EEF1D: variants seen among roughly 807,000 people sequenced by gnomAD.
EEF1D encodes eukaryotic translation elongation factor 1 delta, also known as elongation factor 1-delta.
A neutral mutation model predicts 63.9 loss-of-function variants in EEF1D; 47 were observed. That is an observed-to-expected ratio of 0.74 (90% CI 0.58 to 0.94). EEF1D has a LOEUF of 0.94. Ranked by LOEUF, EEF1D falls within the 40% of genes least tolerant of loss-of-function variation. EEF1D has a pLI of 0.00. For missense variants in EEF1D, 907 were observed against 899.0 expected (o/e 1.01, Z -0.11); for synonymous variants, 412 against 386.1 (o/e 1.07, Z -0.79).
chr8:143,590,637 G>A, intron 2 of EEF1D: 1 of 1,003,496 alleles, frequency 1.0e-6, no homozygotes, highest in Non-Finnish European at 1.2e-6. Flanking sequence ...AGGCACGGTG[G>A]CTCACACCTG....
chr8:143,581,062 G>C lies in EEF1D; in HGVS notation c.1480C>G (p.Gln494Glu). 7 of 1,611,736 alleles carry C rather than the reference G, an allele frequency of 4.3e-6. No individual in the cohort carries two copies. Among genetic ancestry groups the C allele is most frequent in the Non-Finnish European group, 5.9e-6 (7 of 1,179,936 alleles). ...SSPGHRATAP[Q>E]TQHVSPMRQV... Reference sequence around the variant, plus strand: ...GTGGGGAGAGCATTCACCTGGGTCTGTGGGGCCGTGGCCCGGTGGCCAGGC... The same window carrying C: ...GTGGGGAGAGCATTCACCTGGGTCTCTGGGGCCGTGGCCCGGTGGCCAGGC... Residue 494 changes from glutamine (Q) to glutamate (E), a missense_variant, in exon 7 of 10, where the codon CAG becomes GAG. Physicochemically the swap from Gln to Glu is conservative, Grantham distance 29. Coordinates refer to ENST00000618139, the MANE Select transcript of EEF1D (RefSeq NM_001130053.5).
Position 143,590,598 on chromosome 8 carries a change from A to G in EEF1D, c.1-517T>C, listed in dbSNP as rs1827781153. 2.9e-6 allele frequency: 3 copies of G among 1,038,774 alleles called. No homozygotes were observed. In the South Asian group the frequency reaches 1.3e-4, roughly 44 times the overall value. The allele number at this position is 1,038,774 out of a possible 1,614,324, so 64.3% of individuals were successfully genotyped here. On this transcript the variant is annotated intron_variant, in intron 2 of 9. Transcript: ENST00000618139. ...CACTGCCACACCCAGAGCACCCTCAAAGTTCTTACAAAAGAAGGAGCCTCG... is the reference window on the plus strand; with the variant it reads ...CACTGCCACACCCAGAGCACCCTCAGAGTTCTTACAAAAGAAGGAGCCTCG...
intron 3 of EEF1D, among the ~76,000 whole-genome samples, chr8:143,588,038 T>C (rs1827049671): frequency 6.6e-6 from 1 of 152,126 alleles, no homozygotes; most frequent in Non-Finnish European, 1.5e-5. Context: ...TCTGTGAGCG[T>C]CCTCTGCGTC....
intron 8 of EEF1D, 122 bp from the exon 9 acceptor site, chr8:143,580,328 G>GAA (rs1197136160): frequency 7.8e-7 from 1 of 1,279,440 alleles, no homozygotes; most frequent in African/African-American, 1.5e-5. Flanking sequence ...AGGGCCCACA[G>GAA]AAAACAATCC....
chr8:143,586,048 C>T (rs1015274359), intron 5 of EEF1D, 171 bp downstream of exon 5: 7 of 572,420 alleles, frequency 1.2e-5, no homozygotes, highest in African/African-American at 5.7e-5. Context: ...GAACACTGTC[C>T]GTGGCAGTCC....
chr8:143,592,203 T>C (rs1828086951), intron 2 of EEF1D: 9 of 985,502 alleles, frequency 9.1e-6, no homozygotes, highest in African/African-American at 1.7e-5. Flanking sequence ...CCAGTCTCTC[T>C]GCTCCCATGG....
Position 143,581,077 on chromosome 8 carries a change from G to A in EEF1D, c.1465C>T (p.Arg489Trp), listed in dbSNP as rs200186152. 58 of 1,612,188 alleles carry A rather than the reference G, an allele frequency of 3.6e-5. No individual in the cohort carries two copies. The highest frequency in any genetic ancestry group is 2.0e-4 in the East Asian group (9 of 44,874). ...ACCTGGGTCTGTGGGGCCGTGGCCC[G>A]GTGGCCAGGCGAGCTCTTCTCCAGC... is the stretch of plus-strand genomic sequence containing the variant. ...NVLEKSSPGH[R>W]ATAPQTQHVS... The change falls in exon 7 of 10, where the codon CGG becomes TGG. Residue 489 changes from arginine to tryptophan, a missense_variant. Physicochemically the swap from Arg to Trp is moderately radical, Grantham distance 101. Coordinates refer to ENST00000618139, the MANE Select transcript of EEF1D (RefSeq NM_001130053.5).
At chr8:143,586,923 C>G (rs1826771006) in intron 3 of EEF1D, 71 bp from the exon 4 acceptor site, 1 of 1,588,626 alleles carries the variant, frequency 6.3e-7, no homozygotes, top group Non-Finnish European at 8.6e-7. Flanking sequence ...CCCAGAAGCA[C>G]CAAGGTGCAG....
At chr8:143,586,663 T>C in intron 4 of EEF1D, 66 bp downstream of exon 4, 1 of 1,584,178 alleles carries the variant, frequency 6.3e-7, no homozygotes, top group Non-Finnish European at 8.6e-7. Flanking sequence ...CTGAATCCGC[T>C]TTGTGTGCCC....
At chr8:143,593,819 C>T (rs564024638) in intron 1 of EEF1D, 10 of 980,158 alleles carry the variant, frequency 1.0e-5, no homozygotes, top group Middle Eastern at 5.3e-4. Flanking sequence ...GCCCCCCACA[C>T]GTCCGAGCCC....
intron 5 of EEF1D, among the ~76,000 whole-genome samples, chr8:143,585,202 G>A (rs895939370): frequency 2.0e-5 from 3 of 152,168 alleles, no homozygotes; most frequent in African/African-American, 7.2e-5. Flanking sequence ...AGGATTTTGA[G>A]GTGGGAACAT....
At position 143,586,257 on chromosome 8, in the gene EEF1D, C is replaced by T. The variant is rs1258598265; in HGVS notation, c.1249G>A (p.Ala417Thr). Residue 417 changes from alanine (A) to threonine (T), a missense_variant, in exon 5 of 10, where the codon GCG becomes ACG. Physicochemically the swap from Ala to Thr is moderately conservative, Grantham distance 58. Transcript: ENST00000618139. The stretch of plus-strand genomic sequence containing the variant: ...TTCTGGATGTTCTCTCTGGCTCTCG[C>T]AATGTCACGGAGGATCACGCTGGCG... ...NGASVILRDIARARENIQKSL... is the reference protein window; with the variant it reads ...NGASVILRDITRARENIQKSL... 1 of 1,609,360 alleles carries T rather than the reference C, an allele frequency of 6.2e-7. No homozygotes were observed. Among genetic ancestry groups the T allele is most frequent in the African/African-American group, 1.3e-5 (1 of 74,932 alleles).
intron 5 of EEF1D, chr8:143,582,487 G>A (rs1323932343): frequency 6.6e-6 from 1 of 152,288 alleles, no homozygotes; most frequent in Non-Finnish European, 1.5e-5. Flanking sequence ...CAGACCTCCC[G>A]CGGGAGTGGG....
chr8:143,582,099 G>A (rs1179760043), intron 5 of EEF1D: 2 of 152,320 alleles, frequency 1.3e-5, no homozygotes, highest in Admixed American at 6.5e-5. Context: ...GGAGGGGCCT[G>A]GAGTAGCCGG....
At chr8:143,581,692 G>A (rs965300318) in intron 5 of EEF1D, 6 of 282,810 alleles carry the variant, frequency 2.1e-5, no homozygotes, top group African/African-American at 4.4e-5. Flanking sequence ...ACACGCCTCA[G>A]GGGACCAGGC....
chr8:143,595,291 G>A (rs994955141), intron 1 of EEF1D, among the ~76,000 whole-genome samples: 3 of 152,084 alleles, frequency 2.0e-5, no homozygotes, highest in African/African-American at 4.8e-5. Flanking sequence ...GGCTGGTCTC[G>A]AACTCCTGAC....
In EEF1D at chr8:143,589,304, G is replaced by A. The variant is rs376044833; in HGVS notation, c.778C>T (p.Arg260Cys). ...LFDGHPPGKV[R>C]LQERAGLAEG... ...GCCAGGCCGGCTCGCTCTTGCAGGC[G>A]CACCTTCCCTGGGGGATGGCCGTCA... is the stretch of plus-strand genomic sequence containing the variant. Residue 260 changes from arginine (R) to cysteine (C), a missense_variant, in exon 3 of 10, where the codon CGC (arginine) becomes TGC (cysteine). Physicochemically the swap from Arg to Cys is radical, Grantham distance 180. Coordinates refer to ENST00000618139, the MANE Select transcript of EEF1D (RefSeq NM_001130053.5). 1.9e-5 allele frequency: 30 copies of A among 1,586,598 alleles called. No individual in the cohort carries two copies. The highest frequency in any genetic ancestry group is 2.7e-5 in the African/African-American group (2 of 74,456).
At chr8:143,584,508 A>G (rs1406952065) in intron 5 of EEF1D, among the ~76,000 whole-genome samples, 4 of 152,128 alleles carry the variant, frequency 2.6e-5, no homozygotes, top group Non-Finnish European at 5.9e-5. Context: ...CTGAGGTTGC[A>G]GTGAGCCAGG....
At position 143,589,902 on chromosome 8, in the gene EEF1D, A is replaced by G; in HGVS notation, c.180T>C (p.Ala60=). Reference sequence around the variant, plus strand: ...CGCCGTCAGGGGCTTCCGCCTCATCAGCGTCCTCAGGGTCGTCCTGGCCGG... The same window carrying G: ...CGCCGTCAGGGGCTTCCGCCTCATCGGCGTCCTCAGGGTCGTCCTGGCCGG... ...NGPGQDDPED[A]DEAEAPDGGS... is the part of the protein sequence containing the mutation. The change falls in exon 3 of 10, where the codon GCT becomes GCC. Residue 60 remains alanine, a synonymous_variant. Coordinates refer to ENST00000618139, the MANE Select transcript of EEF1D (RefSeq NM_001130053.5). 6.3e-7 allele frequency: 1 copy of G among 1,597,824 alleles called. No individual in the cohort carries two copies. The highest frequency in any genetic ancestry group is 8.5e-7 in the Non-Finnish European group (1 of 1,175,468).
Sources: allele counts gnomAD v4.1 joint callset (sites outside exome capture counted in the v4.1 genomes callset), GRCh38; gene constraint gnomAD v4.1.1; transcripts MANE v1.5; gene names NCBI Gene and HGNC (gene_info 2026-07-23, HGNC 2026-07-21).